Variants in RAB37 observed in about 807,000 individuals in gnomAD.
RAB37 encodes the protein RAB37, member RAS oncogene family.
In RAB37, 29 loss-of-function variants were observed where a neutral mutation model predicts 33.1. The observed-to-expected ratio is 0.88, with a 90% CI of 0.65 to 1.20. The LOEUF is 1.20. Among genes scored for constraint, RAB37 ranks in the 50% most tolerant of loss-of-function variants. RAB37 has a pLI of 0.00. For synonymous variants in RAB37, 128 were observed against 119.5 expected (o/e 1.07, Z -0.47); for missense variants, 299 against 301.1 (o/e 0.99, Z 0.05).
intron 1 of RAB37, among the ~76,000 whole-genome samples, chr17:74,723,174 A>G (rs2034263260): frequency 6.6e-6 from 1 of 152,242 alleles, no homozygotes. Flanking sequence ...ATAGCAGTGT[A>G]TAACAGGAGA....
chr17:74,718,488 G>T (rs1225617386), intron 1 of RAB37, among the ~76,000 whole-genome samples: 1 of 152,158 alleles, frequency 6.6e-6, no homozygotes, highest in African/African-American at 2.4e-5. Flanking sequence ...CCTTGACAAA[G>T]TGGAAGAGCT....
intron 1 of RAB37, among the ~76,000 whole-genome samples, chr17:74,690,776 C>T (rs890392754): frequency 1.3e-5 from 2 of 152,210 alleles, no homozygotes; most frequent in South Asian, 2.1e-4. Context: ...CTGCTCTGTC[C>T]AGCTCTGGAA....
chr17:74,696,052 C>T, intron 1 of RAB37: 1 of 1,278,574 alleles, frequency 7.8e-7, no homozygotes, highest in Admixed American at 2.2e-5. Flanking sequence ...GGCCCTCAGC[C>T]CCCAGGCCCT....
chr17:74,732,259 G>T (rs1034156610), upstream of RAB37, among the ~76,000 whole-genome samples: 1 of 152,178 alleles, frequency 6.6e-6, no homozygotes. Context: ...CACGTGGGGG[G>T]CCCAGAATCT....
chr17:74,740,277 T>A (rs1259371543), intron 1 of RAB37, among the ~76,000 whole-genome samples: 1 of 152,078 alleles, frequency 6.6e-6, no homozygotes, highest in African/African-American at 2.4e-5. Context: ...CCCCAGCAGA[T>A]TCTGATAGAC....
chr17:74,731,427 G>A (rs1042537343), intron 2 of RAB37, among the ~76,000 whole-genome samples: 3 of 152,202 alleles, frequency 2.0e-5, no homozygotes, highest in South Asian at 2.1e-4. Context: ...CCTCGGGCAT[G>A]CCTTCACCCA....
chr17:74,707,852 T>C (rs961891508), intron 1 of RAB37, among the ~76,000 whole-genome samples: 18 of 151,964 alleles, frequency 1.2e-4, no homozygotes, highest in African/African-American at 4.1e-4. Flanking sequence ...GAATTTACAA[T>C]TTGAGATGGA....
At position 74,744,433 on chromosome 17, in the gene RAB37, C is replaced by T. The variant is rs1444867657; in HGVS notation, c.432+60C>T. On this transcript the variant is annotated intron_variant, in intron 6 of 8. Transcript: ENST00000392613. The surrounding 1 kb of genome is among the most constrained non-coding windows in gnomAD (Gnocchi z 4.2). Reference sequence around the variant, plus strand: ...GCACTTCCTCAGCCCTAGCCGGCCCCATAACCACCCAAGAACAGTTATCTA... The same window carrying T: ...GCACTTCCTCAGCCCTAGCCGGCCCTATAACCACCCAAGAACAGTTATCTA... 6.6e-7 allele frequency: 1 copy of T among 1,508,906 alleles called. No homozygotes were observed. The highest frequency in any genetic ancestry group is 1.7e-5 in the Admixed American group (1 of 59,722). The allele number at this position is 1,508,906 out of a possible 1,614,324, so 93.5% of individuals were successfully genotyped here. A position where few individuals can be genotyped will look rare whatever the true frequency, so the allele number is the denominator to read the frequency against.
At chr17:74,740,180 G>A (rs1467082367) in intron 1 of RAB37, among the ~76,000 whole-genome samples, 6 of 148,170 alleles carry the variant, frequency 4.0e-5, no homozygotes, top group Non-Finnish European at 1.5e-5. Flanking sequence ...AAGAAAGAAA[G>A]AAAGAAACTT....
intron 1 of RAB37, among the ~76,000 whole-genome samples, chr17:74,701,390 T>C (rs1257419946): frequency 1.3e-5 from 2 of 152,190 alleles, no homozygotes; most frequent in Non-Finnish European, 2.9e-5. Context: ...GTTAAATAAA[T>C]GAGTGAACAA....
chr17:74,695,709 C>T (rs758692184), intron 1 of RAB37: 1 of 1,614,070 alleles, frequency 6.2e-7, no homozygotes, highest in Non-Finnish European at 8.5e-7. Context: ...CACAGCAGCC[C>T]CCATGGAGGA....
intron 1 of RAB37, chr17:74,696,314 G>T: frequency 7.5e-7 from 1 of 1,331,092 alleles, no homozygotes; most frequent in Non-Finnish European, 1.0e-6. Flanking sequence ...GAAAAGAGGT[G>T]AATTGGGTCC....
chr17:74,703,209 C>A, intron 1 of RAB37: 1 of 1,328,842 alleles, frequency 7.5e-7, no homozygotes, highest in South Asian at 1.2e-5. Flanking sequence ...CACCCGCAGC[C>A]CTGCACACAG....
At chr17:74,703,905 T>G (rs148908524) in intron 1 of RAB37, among the ~76,000 whole-genome samples, 21 of 152,350 alleles carry the variant, frequency 1.4e-4, no homozygotes, top group Admixed American at 2.6e-4. Flanking sequence ...GAAATATCAT[T>G]AAGTCCACAC....
intron 1 of RAB37, among the ~76,000 whole-genome samples, chr17:74,718,753 T>A (rs778473381): frequency 3.3e-5 from 5 of 152,202 alleles, no homozygotes. Flanking sequence ...AAAGAATGCA[T>A]CTTAAGTCAC....
At chr17:74,719,919 GC>G (rs1326124749) in intron 1 of RAB37, among the ~76,000 whole-genome samples, 1 of 152,062 alleles carries the variant, frequency 6.6e-6, no homozygotes, top group Non-Finnish European at 1.5e-5. Context: ...AACCTCAAAG[GC>G]AATCCTCTTG....
rs2034645991 is a variant in RAB37, at chr17:74,742,622, C to A, written c.246+327C>A. ...GGAGAGGAGAAGATTCTTTTTTTTTCTTTTCTTTTCTTTTTTTTTTTGAGA... is the reference window on the plus strand; with the variant it reads ...GGAGAGGAGAAGATTCTTTTTTTTTATTTTCTTTTCTTTTTTTTTTTGAGA... On this transcript the variant is annotated intron_variant, in intron 3 of 8. Coordinates refer to ENST00000392613, the MANE Select transcript of RAB37 (RefSeq NM_001006638.3). The surrounding 1 kb of genome is among the most constrained non-coding windows in gnomAD (Gnocchi z 4.0). Among the ~76,000 whole-genome samples, 1 of 151,252 alleles carries A rather than the reference C, an allele frequency of 6.6e-6. No homozygotes were observed. The highest frequency in any genetic ancestry group is 6.6e-5 in the Admixed American group (1 of 15,174).
At chr17:74,740,930 A>G (rs1201510846) in intron 2 of RAB37, 52 bp downstream of exon 2, 2 of 1,366,462 alleles carry the variant, frequency 1.5e-6, no homozygotes, top group Admixed American at 3.4e-5. Flanking sequence ...GCTGTGGCTC[A>G]GGCATGGGGG....
rs1196036171 is a variant in RAB37 at position 74,730,509 on chromosome 17, C to T, written c.183+1143C>T. ...GGGGCCTAGAATCGGCCCTGAAACA[C>T]CAGTTCCCAGGGCTCTCCCCAGACT... On this transcript the variant is annotated intron_variant, in intron 2 of 7. Transcript: ENST00000340415. The surrounding 1 kb of genome is among the most constrained non-coding windows in gnomAD (Gnocchi z 4.4). Among the ~76,000 whole-genome samples the T allele has an allele frequency of 6.6e-6, 1 of 152,156 alleles. No homozygotes were observed. Among genetic ancestry groups the T allele is most frequent in the African/African-American group, 2.4e-5 (1 of 41,434 alleles).
Sources: gnomAD v4.1 joint callset for allele counts (sites outside exome capture counted in the v4.1 genomes callset) on GRCh38, gnomAD v4.1.1 for gene constraint, Gnocchi (gnomAD v3.1) non-coding constraint, MANE v1.5 for transcripts, NCBI Gene and HGNC (gene_info 2026-07-23, HGNC 2026-07-21) for gene names.